The following CDH18 variants were observed in gnomAD, a reference collection of about 807,000 sequenced individuals.
CDH18 encodes the protein cadherin 18, also known as cadherin-18.
CDH18 carries 31 observed loss-of-function variants against 67.9 expected under a neutral mutation model. The ratio of observed to expected loss-of-function variants is 0.46; its 90% CI spans 0.34 to 0.62. The LOEUF is 0.62. CDH18 is among the 20% of genes least tolerant of loss of function. The pLI is 0.01. For missense variants in CDH18, 890 were observed against 975.5 expected (o/e 0.91, Z 1.17); for synonymous variants, 362 against 347.2 (o/e 1.04, Z -0.48).
intron 1 of CDH18, among the ~76,000 whole-genome samples, chr5:20,500,522 C>A (rs1057154750): frequency 3.3e-5 from 5 of 152,132 alleles, no homozygotes; most frequent in Non-Finnish European, 5.9e-5. Flanking sequence ...CATCTGGGAA[C>A]AGGTATAATG....
At chr5:19,562,329 C>T (rs1407999897) in intron 8 of CDH18, among the ~76,000 whole-genome samples, 2 of 152,030 alleles carry the variant, frequency 1.3e-5, no homozygotes, top group Admixed American at 1.3e-4. Flanking sequence ...GCCAAAAGGC[C>T]TTATCATTAT....
chr5:20,008,506 C>T (rs945584585), intron 2 of CDH18, among the ~76,000 whole-genome samples: 2 of 152,070 alleles, frequency 1.3e-5, no homozygotes, highest in Admixed American at 6.6e-5. Context: ...GTATAACAAC[C>T]GTGTTTCCCA....
chr5:20,507,360 A>G (rs537292814), intron 1 of CDH18, among the ~76,000 whole-genome samples: 14 of 152,348 alleles, frequency 9.2e-5, no homozygotes, highest in Non-Finnish European at 1.5e-4. Flanking sequence ...CAGGAGCTCA[A>G]TCTATACTTA....
At chr5:20,275,493 C>G (rs2126678772) in intron 1 of CDH18, among the ~76,000 whole-genome samples, 1 of 152,280 alleles carries the variant, frequency 6.6e-6, no homozygotes, top group Middle Eastern at 3.4e-3. Flanking sequence ...TCAGGTACTT[C>G]TTTATAGCAA....
At chr5:20,005,407 T>C (rs1401486946) in intron 2 of CDH18, among the ~76,000 whole-genome samples, 1 of 95,308 alleles carries the variant, frequency 1.0e-5, no homozygotes, top group East Asian at 3.1e-4. Context: ...AAAGTATATA[T>C]ATATATGTAC....
chr5:19,719,957 G>GAAAGAA (rs869259013), intron 5 of CDH18, among the ~76,000 whole-genome samples: 1 of 149,400 alleles, frequency 6.7e-6, no homozygotes, highest in African/African-American at 2.5e-5. Flanking sequence ...AAGAAAGAAA[G>GAAAGAA]AAGGAAAGAG....
chr5:20,255,635 T>G (rs758864281), intron 1 of CDH18: 1 of 151,948 alleles, frequency 6.6e-6, no homozygotes, highest in Non-Finnish European at 1.5e-5. Context: ...TTTGAAGAGA[T>G]AAATTTTTGA....
In CDH18 at chr5:19,919,489, G is replaced by A. The variant is rs113044330; in HGVS notation, c.-257+61571C>T. ...CATAACCTGTGGGATCTGTGCTAAC[G>A]TCGGGTAGCTACTATCAGAATCAAA... On this transcript the variant is annotated intron_variant, in intron 2 of 12. Coordinates refer to ENST00000382275, the MANE Select transcript of CDH18 (RefSeq NM_004934.5). Among the ~76,000 whole-genome samples, 256 of 152,246 alleles carry A rather than the reference G, an allele frequency of 1.7e-3. 2 individuals are homozygous for A. The highest frequency in any genetic ancestry group is 5.7e-3 in the African/African-American group (238 of 41,562).
chr5:20,227,767 G>C (rs942475474), intron 2 of CDH18, among the ~76,000 whole-genome samples: 2 of 151,776 alleles, frequency 1.3e-5, no homozygotes, highest in Non-Finnish European at 2.9e-5. Context: ...GGATTACAGG[G>C]ATGAGCCACC....
At chr5:20,376,091 A>ATTTT (rs562655039) in intron 1 of CDH18, among the ~76,000 whole-genome samples, 4,511 of 49,700 alleles carry the variant, frequency 0.091, 1,612 homozygotes, top group Middle Eastern at 0.18. Flanking sequence ...AAAAGAAACA[A>ATTTT]TTTTTTTTTT....
At chr5:19,841,499 T>G (rs1052792419) in intron 2 of CDH18, among the ~76,000 whole-genome samples, 2 of 151,286 alleles carry the variant, frequency 1.3e-5, no homozygotes, top group Admixed American at 6.6e-5. Context: ...GCATTTGTAA[T>G]AAATTATTTT....
chr5:20,270,097 A>G (rs1745326177), intron 1 of CDH18, among the ~76,000 whole-genome samples: 1 of 152,042 alleles, frequency 6.6e-6, no homozygotes, highest in Non-Finnish European at 1.5e-5. Context: ...AATCAATGTA[A>G]AACAATACAT....
At chr5:20,070,148 T>G in intron 2 of CDH18, among the ~76,000 whole-genome samples, 1 of 152,336 alleles carries the variant, frequency 6.6e-6, no homozygotes, top group East Asian at 1.9e-4. Context: ...AAAAGCTATA[T>G]AGTTGAAACA....
chr5:19,900,869 A>G (rs1179672891), intron 2 of CDH18, among the ~76,000 whole-genome samples: 2 of 152,182 alleles, frequency 1.3e-5, no homozygotes, highest in Non-Finnish European at 1.5e-5. Flanking sequence ...CTTTGAATAA[A>G]AACATGAATT....
chr5:20,268,746 T>G (rs576787810), intron 1 of CDH18, among the ~76,000 whole-genome samples: 1 of 152,144 alleles, frequency 6.6e-6, no homozygotes, highest in Middle Eastern at 3.4e-3. Context: ...CGAAAAAGAC[T>G]TAAGCATAAG....
At chr5:19,883,121 C>T (rs1157371370) in intron 2 of CDH18, among the ~76,000 whole-genome samples, 1 of 152,152 alleles carries the variant, frequency 6.6e-6, no homozygotes, top group Non-Finnish European at 1.5e-5. Context: ...AATGCTGGCT[C>T]GAGAGCACTG....
chr5:20,325,230 A>G (rs1048110435), intron 1 of CDH18, among the ~76,000 whole-genome samples: 4 of 152,150 alleles, frequency 2.6e-5, no homozygotes, highest in African/African-American at 9.7e-5. Flanking sequence ...TTTCCTTTGT[A>G]TGGCCATCCT....
At chr5:19,867,972 C>G (rs1269810619) in intron 2 of CDH18, among the ~76,000 whole-genome samples, 1 of 152,098 alleles carries the variant, frequency 6.6e-6, no homozygotes, top group Non-Finnish European at 1.5e-5. Flanking sequence ...TTATAAGGGG[C>G]CTTGCCCACT....
Position 20,090,664 on chromosome 5 carries a change from T to C in CDH18, c.-517-98650A>G, listed in dbSNP as rs1162999666. 2.6e-5 allele frequency among the ~76,000 whole-genome samples: 4 copies of C among 152,112 alleles called. No individual in the cohort carries two copies. The East Asian group carries it at 7.7e-4, about 29-fold the overall frequency. ...TCATAAGTGATTTCTAAAAGATGTATGTAGACCAGAAATGGATAAGTGAAC... is the reference window on the plus strand; with the variant it reads ...TCATAAGTGATTTCTAAAAGATGTACGTAGACCAGAAATGGATAAGTGAAC... On this transcript the variant is annotated intron_variant, in intron 2 of 14. Coordinates refer to the CDH18 transcript ENST00000507958.
Sources: gnomAD v4.1 joint callset for allele counts (sites outside exome capture counted in the v4.1 genomes callset) on GRCh38, gnomAD v4.1.1 for gene constraint, MANE v1.5 for transcripts, NCBI Gene and HGNC (gene_info 2026-07-23, HGNC 2026-07-21) for gene names.